Variants in SLC39A14 observed in about 807,000 individuals in gnomAD.
The protein encoded by SLC39A14 is metal cation symporter ZIP14.
In SLC39A14, 19 loss-of-function variants were observed where a neutral mutation model predicts 45.5. The observed-to-expected ratio is 0.42, with a 90% CI of 0.29 to 0.61. The LOEUF (loss-of-function observed/expected upper bound fraction) is 0.61, where lower values mean the gene tolerates loss of function less well. Among genes scored for constraint, SLC39A14 ranks in the 20% least tolerant of loss-of-function variants. The pLI, the probability that SLC39A14 is intolerant of heterozygous loss-of-function variation, is 0.22. For synonymous variants in SLC39A14, 264 were observed against 251.3 expected (o/e 1.05, Z -0.48); for missense variants, 447 against 616.5 (o/e 0.73, Z 2.91).
At chr8:22,402,216 C>T (rs543348879) in intron 1 of SLC39A14, among the ~76,000 whole-genome samples, 1 of 152,038 alleles carries the variant, frequency 6.6e-6, no homozygotes, top group Non-Finnish European at 1.5e-5. Context: ...CCCGTCTCTA[C>T]TAAAAATACA....
intron 3 of SLC39A14, chr8:22,410,182 T>G: frequency 2.6e-6 from 4 of 1,547,370 alleles, no homozygotes; most frequent in Non-Finnish European, 3.6e-6. Flanking sequence ...AATCCCCTCC[T>G]CCCCTACCCT....
chr8:22,408,403 C>T lies in SLC39A14; in HGVS notation c.364C>T (p.Leu122Phe). The change falls in exon 3 of 9, where the codon CTC becomes TTC. Residue 122 changes from leucine to phenylalanine, a missense_variant. By Grantham distance (22) the Leu-to-Phe change is conservative. Around this residue, in one of 2 missense-constraint regions of SLC39A14, gnomAD observed 342 missense variants for 428.1 expected, o/e 0.80. Coordinates refer to ENST00000381237, the MANE Select transcript of SLC39A14 (RefSeq NM_001128431.4). ...SELQEFCPTI[L>F]QQLDSRACTS... The stretch of plus-strand genomic sequence containing the variant: ...GCTCCAGGAGTTCTGCCCCACCATC[C>T]TCCAGCAGCTGGATTCCCGGGCCTG... 6.2e-7 allele frequency: 1 copy of T among 1,614,226 alleles called. No individual in the cohort carries two copies. The highest frequency in any genetic ancestry group is 8.5e-7 in the Non-Finnish European group (1 of 1,180,050).
intron 1 of SLC39A14, among the ~76,000 whole-genome samples, chr8:22,373,826 G>A (rs924446999): frequency 2.0e-5 from 3 of 150,418 alleles, no homozygotes; most frequent in African/African-American, 4.9e-5. Flanking sequence ...GTGCAGTAGC[G>A]CAATCTCACC....
chr8:22,421,781 AAGTT>A lies in SLC39A14; in HGVS notation c.*2086_*2089del. On this transcript the variant is annotated 3_prime_UTR_variant, in exon 9 of 9. Transcript: ENST00000381237. ...ACCCTTTGTCTTGGAGTAGAATACTAAGTTAGAGTTAGTGGATTTCTAGTTTAGG... is the reference window on the plus strand; with the variant it reads ...ACCCTTTGTCTTGGAGTAGAATACTAAGAGTTAGTGGATTTCTAGTTTAGG... The A allele has an allele frequency of 2.0e-6, 2 of 983,950 alleles. No individual in the cohort carries two copies. Among genetic ancestry groups the A allele is most frequent in the Non-Finnish European group, 1.2e-6 (1 of 828,554 alleles). 61.0% of individuals were successfully genotyped at this position (983,950 alleles called of 1,614,324 possible). A position where few individuals can be genotyped will look rare whatever the true frequency, so the allele number is the denominator to read the frequency against.
At chr8:22,409,485 C>T (rs1479683852) in intron 3 of SLC39A14, among the ~76,000 whole-genome samples, 3 of 151,246 alleles carry the variant, frequency 2.0e-5, no homozygotes, top group South Asian at 2.1e-4. Flanking sequence ...TGGGTTCAAG[C>T]GATTCTCCTG....
chr8:22,411,752 C>T, intron 3 of SLC39A14: 1 of 362,682 alleles, frequency 2.8e-6, no homozygotes, highest in South Asian at 3.5e-5. Context: ...GCCACAGGGG[C>T]AGAAGTCACA....
At chr8:22,417,895 T>C in intron 8 of SLC39A14, 60 bp downstream of exon 8, 4 of 1,427,682 alleles carry the variant, frequency 2.8e-6, no homozygotes, top group Middle Eastern at 2.4e-4. Context: ...GTTAGGTAGG[T>C]AGTTTTTTTT....
chr8:22,369,301 G>A (rs1005749274), intron 1 of SLC39A14, among the ~76,000 whole-genome samples: 3 of 152,214 alleles, frequency 2.0e-5, no homozygotes, highest in Non-Finnish European at 4.4e-5. Context: ...CGGGAGATTC[G>A]ATCCAGGTGT....
chr8:22,432,191 C>T, intron 8 of SLC39A14, among the ~76,000 whole-genome samples: 1 of 151,960 alleles, frequency 6.6e-6, no homozygotes, highest in African/African-American at 2.4e-5. Flanking sequence ...AATAGCTGGA[C>T]ATGGCAGTGG....
In SLC39A14 at chr8:22,421,950, T is replaced by C. The variant is rs1836251813; in HGVS notation, c.*2252T>C. 1 of 985,466 alleles carries C rather than the reference T, an allele frequency of 1.0e-6. No individual in the cohort carries two copies. Among genetic ancestry groups the C allele is most frequent in the Non-Finnish European group, 1.2e-6 (1 of 829,928 alleles). 61.0% of individuals were successfully genotyped at this position (985,466 alleles called of 1,614,324 possible). On this transcript the variant is annotated 3_prime_UTR_variant, in exon 9 of 9. Coordinates refer to ENST00000381237, the MANE Select transcript of SLC39A14 (RefSeq NM_001128431.4). The stretch of plus-strand genomic sequence containing the variant: ...AAGGGAAATCCTCTTTAAACCGTAG[T>C]TGGCGCAGAGGTCAGTCCTAGTCGG...
chr8:22,417,902 TTTTTA>T, intron 8 of SLC39A14, 67 bp downstream of exon 8: 4 of 1,332,776 alleles, frequency 3.0e-6, no homozygotes, highest in African/African-American at 1.5e-5. Context: ...AGGTAGTTTT[TTTTTA>T]TTTTTATTTT....
intron 1 of SLC39A14, among the ~76,000 whole-genome samples, chr8:22,395,916 G>A (rs574005425): frequency 1.3e-5 from 2 of 152,340 alleles, no homozygotes; most frequent in African/African-American, 2.4e-5. Context: ...CTCAGCTCCA[G>A]GAGTGCTAAG....
intron 1 of SLC39A14, among the ~76,000 whole-genome samples, chr8:22,400,917 T>C (rs896124043): frequency 1.3e-5 from 2 of 152,278 alleles, no homozygotes; most frequent in Non-Finnish European, 1.5e-5. Flanking sequence ...ATAATTATTA[T>C]AGCTAAATTT....
Position 22,404,761 on chromosome 8 carries a change from C to G in SLC39A14, c.51C>G (p.Thr17=). ...HPAFQSCLLL[T]LLGLWRTTPE... ...CCTTCCAGAGCTGCCTCCTGCTGAC[C>G]CTGCTTGGCTTATGGAGAACCACCC... The change falls in exon 2 of 9, where the codon ACC becomes ACG. Residue 17 remains threonine (T), a synonymous_variant. Transcript: ENST00000381237. 1.9e-6 allele frequency: 3 copies of G among 1,613,830 alleles called. No homozygotes were observed. Among genetic ancestry groups the G allele is most frequent in the Non-Finnish European group, 2.5e-6 (3 of 1,179,884 alleles).
intron 8 of SLC39A14, among the ~76,000 whole-genome samples, chr8:22,431,058 G>C (rs1836459546): frequency 6.6e-6 from 1 of 150,754 alleles, no homozygotes; most frequent in African/African-American, 2.4e-5. Flanking sequence ...CGTGATCTCA[G>C]CTCATTGCAA....
chr8:22,375,908 A>G (rs1008176377), intron 1 of SLC39A14, among the ~76,000 whole-genome samples: 14 of 152,228 alleles, frequency 9.2e-5, no homozygotes, highest in Non-Finnish European at 1.6e-4. Flanking sequence ...TCCTCACCCC[A>G]GAGTATAATT....
In SLC39A14 at chr8:22,421,736, T is replaced by C; in HGVS notation, c.*2038T>C. ...TAATTTTAGCATTCCCAATAGATCC[T>C]ATCATTCCTTAAACATAATACCCTT... is the stretch of plus-strand genomic sequence containing the variant. On this transcript the variant is annotated 3_prime_UTR_variant, in exon 9 of 9. Transcript: ENST00000381237. 1.0e-6 allele frequency: 1 copy of C among 984,702 alleles called. No individual in the cohort carries two copies. Among genetic ancestry groups the C allele is most frequent in the Non-Finnish European group, 1.2e-6 (1 of 828,980 alleles). The allele number at this position is 984,702 out of a possible 1,614,324, so 61.0% of individuals were successfully genotyped here.
chr8:22,429,058 G>A (rs1034212928), intron 8 of SLC39A14, among the ~76,000 whole-genome samples: 1 of 152,002 alleles, frequency 6.6e-6, no homozygotes, highest in Non-Finnish European at 1.5e-5. Context: ...GGATCGCAAG[G>A]TCAGGAGATC....
At chr8:22,416,365 T>A (rs1295025132) in intron 7 of SLC39A14, 85 bp downstream of exon 7, 2 of 1,115,638 alleles carry the variant, frequency 1.8e-6, no homozygotes, top group Non-Finnish European at 2.7e-6. Context: ...TGCTCCCATC[T>A]CCCTGTCTTC....
Sources: gnomAD v4.1 joint callset for allele counts (sites outside exome capture counted in the v4.1 genomes callset) on GRCh38, gnomAD v4.1.1 for gene constraint, gnomAD v4.1.1 regional missense constraint, MANE v1.5 for transcripts, NCBI Gene and HGNC (gene_info 2026-07-23, HGNC 2026-07-21) for gene names.